COBL: variants seen among roughly 807,000 people sequenced by gnomAD.
COBL encodes protein cordon-bleu.
Under a neutral mutation model 98.8 loss-of-function variants are expected in COBL, and 51 were observed. The observed-to-expected ratio is 0.52, with a 90% CI of 0.41 to 0.65. COBL has a LOEUF of 0.65. Ranked by LOEUF, COBL falls within the 30% of genes least tolerant of loss-of-function variation. The pLI, the probability that COBL is intolerant of heterozygous loss-of-function variation, is 0.00. For missense variants in COBL, 1,617 were observed against 1,617.5 expected (o/e 1.00, Z 0.01); for synonymous variants, 634 against 651.7 (o/e 0.97, Z 0.41).
intron 1 of COBL, among the ~76,000 whole-genome samples, chr7:51,278,559 T>C (rs1157458496): frequency 6.6e-6 from 1 of 151,828 alleles, no homozygotes; most frequent in Non-Finnish European, 1.5e-5. Context: ...TTTGTATTTT[T>C]ATTAGAGTCG....
chr7:51,108,957 C>CACACACACACACA (rs869144573), intron 6 of COBL, among the ~76,000 whole-genome samples: 29 of 83,882 alleles, frequency 3.5e-4, no homozygotes, highest in South Asian at 1.8e-3. Flanking sequence ...CACACACACA[C>CACACACACACACA]CCCCTGCCCC....
chr7:51,076,170 C>T (rs1301790347), intron 7 of COBL, among the ~76,000 whole-genome samples: 1 of 152,216 alleles, frequency 6.6e-6, no homozygotes, highest in Non-Finnish European at 1.5e-5. Context: ...TGGGTGTTTC[C>T]CACAACAAAC....
At chr7:51,155,285 T>C (rs144552600) in intron 5 of COBL, among the ~76,000 whole-genome samples, 22 of 152,110 alleles carry the variant, frequency 1.4e-4, no homozygotes, top group African/African-American at 5.1e-4. Context: ...TTTTACTTGG[T>C]AATAGAAAGA....
intron 9 of COBL, 22 bp downstream of exon 9, chr7:51,030,790 T>A: frequency 6.8e-7 from 1 of 1,465,604 alleles, no homozygotes; most frequent in South Asian, 1.2e-5. Flanking sequence ...AATATCAGAG[T>A]AGCGGATCAG....
intron 1 of COBL, among the ~76,000 whole-genome samples, chr7:51,280,402 G>A (rs1014846463): frequency 2.6e-5 from 4 of 152,216 alleles, no homozygotes. Flanking sequence ...GACAGCAACA[G>A]TGGCAGCACA....
At chr7:51,217,425 T>C (rs555953503) in intron 2 of COBL, among the ~76,000 whole-genome samples, 18 of 149,076 alleles carry the variant, frequency 1.2e-4, no homozygotes, top group African/African-American at 3.7e-4. Context: ...CACCACAGTC[T>C]CCATCTCCCG....
At chr7:51,081,346 G>T (rs1288677580) in intron 7 of COBL, among the ~76,000 whole-genome samples, 4 of 152,206 alleles carry the variant, frequency 2.6e-5, no homozygotes, top group South Asian at 4.1e-4. Flanking sequence ...AACTGGTATG[G>T]AGTTGGCAAG....
intron 5 of COBL, among the ~76,000 whole-genome samples, chr7:51,140,814 T>C (rs1461458692): frequency 6.6e-6 from 1 of 152,178 alleles, no homozygotes; most frequent in African/African-American, 2.4e-5. Flanking sequence ...GAGAACACGT[T>C]GTCTCCCTCG....
chr7:51,109,946 G>A (rs1046921434), intron 6 of COBL, among the ~76,000 whole-genome samples: 3 of 152,172 alleles, frequency 2.0e-5, no homozygotes, highest in African/African-American at 7.2e-5. Context: ...GAGAGCAAGG[G>A]GATGGAAACT....
At chr7:51,104,704 C>T (rs1444541114) in intron 6 of COBL, among the ~76,000 whole-genome samples, 1 of 152,138 alleles carries the variant, frequency 6.6e-6, no homozygotes, top group African/African-American at 2.4e-5. Context: ...ACATCACCCC[C>T]AGAAACAGAT....
At chr7:51,119,222 T>C (rs552138138) in intron 6 of COBL, among the ~76,000 whole-genome samples, 3 of 152,344 alleles carry the variant, frequency 2.0e-5, no homozygotes, top group South Asian at 2.1e-4. Context: ...TAAGGTACCA[T>C]AGTATTTAGG....
In COBL at chr7:51,043,603, T is replaced by TG; in HGVS notation, c.1185dup (p.Ser396GlnfsTer46). On this transcript the variant is annotated frameshift_variant, in exon 8 of 13. Transcript: ENST00000265136. LOFTEE classifies it high-confidence loss of function. The stretch of plus-strand genomic sequence containing the variant: ...GTCGTGTCCTCCGACGCAAAACAGC[T>TG]GCCAACTGACACGGTCTCCTCCGCC... 1.2e-6 allele frequency: 2 copies of TG among 1,614,204 alleles called. No homozygotes were observed. The highest frequency in any genetic ancestry group is 1.7e-6 in the Non-Finnish European group (2 of 1,180,030).
chr7:51,081,254 G>C (rs1182921995), intron 7 of COBL, among the ~76,000 whole-genome samples: 3 of 152,200 alleles, frequency 2.0e-5, no homozygotes, highest in Non-Finnish European at 4.4e-5. Context: ...ATTGCTGTGG[G>C]CATGAGAGGG....
intron 6 of COBL, among the ~76,000 whole-genome samples, chr7:51,088,400 GTT>G (rs11293330): frequency 3.4e-5 from 5 of 146,922 alleles, no homozygotes; most frequent in East Asian, 4.0e-4. Flanking sequence ...ATTAGTTACT[GTT>G]TTTTTTTTGT....
chr7:51,069,603 T>A (rs1012722681), intron 7 of COBL, among the ~76,000 whole-genome samples: 10 of 152,224 alleles, frequency 6.6e-5, no homozygotes, highest in African/African-American at 2.4e-4. Flanking sequence ...AATCTGACTT[T>A]TAATATTGGC....
chr7:51,271,290 C>T (rs771478750), intron 1 of COBL, among the ~76,000 whole-genome samples: 1 of 152,204 alleles, frequency 6.6e-6, no homozygotes, highest in African/African-American at 2.4e-5. Flanking sequence ...TCTCCTGAAC[C>T]TAAACCTAGA....
chr7:51,205,080 A>G (rs1226289785), intron 2 of COBL, among the ~76,000 whole-genome samples: 2 of 152,202 alleles, frequency 1.3e-5, no homozygotes, highest in African/African-American at 2.4e-5. Context: ...TACAATTTCC[A>G]TATCTCACAA....
chr7:51,061,819 T>C (rs919769331), intron 7 of COBL, among the ~76,000 whole-genome samples: 1 of 152,144 alleles, frequency 6.6e-6, no homozygotes, highest in Non-Finnish European at 1.5e-5. Context: ...TGTGGGGCCT[T>C]GAGACTTGGA....
At chr7:51,070,624 T>G (rs1792444041) in intron 7 of COBL, among the ~76,000 whole-genome samples, 1 of 152,236 alleles carries the variant, frequency 6.6e-6, no homozygotes, top group Admixed American at 6.5e-5. Flanking sequence ...AATGTTAGTC[T>G]GCACGTGGAA....
Sources: allele counts gnomAD v4.1 joint callset (sites outside exome capture counted in the v4.1 genomes callset), GRCh38; gene constraint gnomAD v4.1.1; transcripts MANE v1.5; gene names NCBI Gene and HGNC (gene_info 2026-07-23, HGNC 2026-07-21).